EPC2: variants seen among roughly 807,000 people sequenced by gnomAD.
EPC2 encodes the protein enhancer of polycomb 2.
In EPC2, 14 loss-of-function variants were observed where a neutral mutation model predicts 92.1. That is an observed-to-expected ratio of 0.15 (90% CI 0.10 to 0.24). EPC2 has a LOEUF of 0.24. EPC2 is among the 10% of genes least tolerant of loss of function. The pLI, the probability that EPC2 is intolerant of heterozygous loss-of-function variation, is 1.00. For missense variants in EPC2, 755 were observed against 971.5 expected (o/e 0.78, Z 2.96); for synonymous variants, 340 against 334.7 (o/e 1.02, Z -0.17).
chr2:148,766,270 T>C (rs1283398305), intron 7 of EPC2, among the ~76,000 whole-genome samples: 2 of 152,250 alleles, frequency 1.3e-5, no homozygotes, highest in African/African-American at 4.8e-5. Flanking sequence ...CAAGACTGTT[T>C]ATAAAACTCT....
intron 2 of EPC2, among the ~76,000 whole-genome samples, chr2:148,703,127 A>G (rs1333596644): frequency 6.6e-6 from 1 of 152,234 alleles, no homozygotes; most frequent in Non-Finnish European, 1.5e-5. Context: ...TCTCAAAATG[A>G]ATAAAATGTG....
chr2:148,766,060 A>C (rs2105426860), intron 7 of EPC2, among the ~76,000 whole-genome samples: 2 of 152,330 alleles, frequency 1.3e-5, no homozygotes, highest in East Asian at 3.9e-4. Context: ...AAACAAAAAA[A>C]AGATCCATTT....
At chr2:148,763,275 A>G (rs1403808577) in intron 6 of EPC2, among the ~76,000 whole-genome samples, 1 of 152,142 alleles carries the variant, frequency 6.6e-6, no homozygotes, top group East Asian at 1.9e-4. Context: ...ATCTACCTTG[A>G]GTGACTTTGA....
intron 10 of EPC2, among the ~76,000 whole-genome samples, chr2:148,774,872 G>C (rs1307402684): frequency 1.3e-5 from 2 of 151,452 alleles, no homozygotes; most frequent in Non-Finnish European, 2.9e-5. Flanking sequence ...CGGATCACGA[G>C]GTCAGGAGAT....
At position 148,743,246 on chromosome 2, in the gene EPC2, A is replaced by G. The variant is rs141456577; in HGVS notation, c.314-376A>G. ...CCTGTTTTATCCTCAGTAATTTGAA[A>G]CATCATTTCCATTATACTCTGTTCT... On this transcript the variant is annotated intron_variant, in intron 2 of 13. Coordinates refer to ENST00000258484, the MANE Select transcript of EPC2 (RefSeq NM_015630.4). 7.2e-3 allele frequency among the ~76,000 whole-genome samples: 1,089 copies of G among 152,170 alleles called. 6 individuals carry two copies. Among genetic ancestry groups the G allele is most frequent in the African/African-American group, 0.025 (1,023 of 41,504 alleles).
chr2:148,736,936 C>CA (rs34800134), intron 2 of EPC2, among the ~76,000 whole-genome samples: 1,666 of 114,550 alleles, frequency 0.015, 22 homozygotes, highest in African/African-American at 0.043. Flanking sequence ...CCCATTTCTA[C>CA]AAAAAAAAAA....
intron 2 of EPC2, among the ~76,000 whole-genome samples, chr2:148,707,259 A>G (rs917110645): frequency 6.6e-6 from 1 of 152,226 alleles, no homozygotes; most frequent in Non-Finnish European, 1.5e-5. Context: ...GAAGGCCATT[A>G]CATAATGGTA....
At chr2:148,685,396 A>G (rs1681494894) in intron 1 of EPC2, among the ~76,000 whole-genome samples, 1 of 152,298 alleles carries the variant, frequency 6.6e-6, no homozygotes, top group Middle Eastern at 3.4e-3. Context: ...TTTGGTTCCA[A>G]GCCACCACAA....
chr2:148,664,065 C>G (rs2105356745), intron 1 of EPC2, among the ~76,000 whole-genome samples: 1 of 152,232 alleles, frequency 6.6e-6, no homozygotes, highest in Middle Eastern at 3.4e-3. Flanking sequence ...CTACCCAATT[C>G]CCCAAAAGAG....
At chr2:148,739,833 C>CTTTTTTTTTTTTTTTTTTTTTTTTTTTT (rs144868417) in intron 2 of EPC2, among the ~76,000 whole-genome samples, 3 of 81,296 alleles carry the variant, frequency 3.7e-5, no homozygotes, top group Admixed American at 1.9e-4. Flanking sequence ...TCTTCTTCTT[C>CTTTTTTTTTTTTTTTTTTTTTTTTTTTT]TTTTTTTTTT....
At chr2:148,744,596 T>G (rs952727857) in intron 3 of EPC2, among the ~76,000 whole-genome samples, 3 of 152,092 alleles carry the variant, frequency 2.0e-5, no homozygotes, top group African/African-American at 7.2e-5. Flanking sequence ...AGCAAAAGAA[T>G]AAGGAAGTTT....
At chr2:148,744,123 A>T (rs953226705) in intron 3 of EPC2, among the ~76,000 whole-genome samples, 2 of 152,114 alleles carry the variant, frequency 1.3e-5, no homozygotes, top group Non-Finnish European at 2.9e-5. Flanking sequence ...ATATTAAGGT[A>T]CTCATCATTT....
At chr2:148,721,712 CTTT>C (rs34017461) in intron 2 of EPC2, among the ~76,000 whole-genome samples, 42 of 111,508 alleles carry the variant, frequency 3.8e-4, no homozygotes, top group East Asian at 2.8e-3. Flanking sequence ...CTGTTTTATT[CTTT>C]TTTTTTTTTT....
At chr2:148,712,441 A>T (rs920512449) in intron 2 of EPC2, among the ~76,000 whole-genome samples, 5 of 152,212 alleles carry the variant, frequency 3.3e-5, no homozygotes, top group African/African-American at 9.7e-5. Flanking sequence ...ACAATGTGCC[A>T]CATAATGTTT....
intron 1 of EPC2, among the ~76,000 whole-genome samples, chr2:148,658,696 T>C (rs908709513): frequency 6.6e-6 from 1 of 151,684 alleles, no homozygotes; most frequent in African/African-American, 2.4e-5. Flanking sequence ...ACTAGATTGA[T>C]TTCATGATTC....
intron 1 of EPC2, among the ~76,000 whole-genome samples, chr2:148,650,338 C>A (rs1680652354): frequency 6.6e-6 from 1 of 152,040 alleles, no homozygotes; most frequent in African/African-American, 2.4e-5. Flanking sequence ...TCCAGGAATT[C>A]TTTTTGGTTG....
intron 2 of EPC2, among the ~76,000 whole-genome samples, chr2:148,720,022 C>T (rs1682337362): frequency 6.6e-6 from 1 of 152,042 alleles, no homozygotes; most frequent in Non-Finnish European, 1.5e-5. Flanking sequence ...CATGCCTTGA[C>T]AAAACAGCTG....
chr2:148,735,613 T>C (rs543467687), intron 2 of EPC2, among the ~76,000 whole-genome samples: 5 of 152,050 alleles, frequency 3.3e-5, no homozygotes, highest in Admixed American at 6.5e-5. Context: ...TCTATACTTA[T>C]ACCTTTTCTT....
chr2:148,778,543 G>T (rs141908141), intron 10 of EPC2, among the ~76,000 whole-genome samples: 1 of 33,908 alleles, frequency 2.9e-5, no homozygotes, highest in Non-Finnish European at 6.4e-5. Context: ...CTGCCCCCCC[G>T]CCCACCACCA....
Sources: allele counts gnomAD v4.1 joint callset (sites outside exome capture counted in the v4.1 genomes callset), GRCh38; gene constraint gnomAD v4.1.1; transcripts MANE v1.5; gene names NCBI Gene and HGNC (gene_info 2026-07-23, HGNC 2026-07-21).